MAP2: variants seen among roughly 807,000 people sequenced by gnomAD.
MAP2 encodes the protein microtubule associated protein 2.
Under a neutral mutation model 137.6 loss-of-function variants are expected in MAP2, and 14 were observed. The observed-to-expected ratio is 0.10, with a 90% CI of 0.07 to 0.16. The LOEUF (loss-of-function observed/expected upper bound fraction) is 0.16, where lower values mean the gene tolerates loss of function less well. MAP2 is among the 10% of genes least tolerant of loss of function. MAP2 has a pLI of 1.00. For synonymous variants in MAP2, 786 were observed against 782.3 expected, an observed-to-expected ratio of 1.00 and a Z score of -0.08; for missense variants, 2,088 against 2,191.5, an observed-to-expected ratio of 0.95 and a Z score of 0.94.
chr2:209,577,211 A>ATTT (rs550211315), intron 2 of MAP2, among the ~76,000 whole-genome samples: 6 of 146,950 alleles, frequency 4.1e-5, no homozygotes, highest in African/African-American at 1.5e-4. Flanking sequence ...TTAAAGGGGC[A>ATTT]TTTTTTTTTT....
intron 1 of MAP2, among the ~76,000 whole-genome samples, chr2:209,433,841 C>A (rs1694989711): frequency 6.6e-6 from 1 of 151,738 alleles, no homozygotes; most frequent in Non-Finnish European, 1.5e-5. Flanking sequence ...TACCCCAAAC[C>A]AAGCTTTTCA....
intron 7 of MAP2, among the ~76,000 whole-genome samples, chr2:209,689,038 T>C (rs931936411): frequency 6.6e-6 from 1 of 152,164 alleles, no homozygotes; most frequent in African/African-American, 2.4e-5. Flanking sequence ...ATATGATTTA[T>C]ACTAAATGAG....
intron 3 of MAP2, among the ~76,000 whole-genome samples, chr2:209,590,153 A>T (rs2078859748): frequency 6.6e-6 from 1 of 152,020 alleles, no homozygotes; most frequent in Non-Finnish European, 1.5e-5. Flanking sequence ...CACACCAGGG[A>T]TACTGAAGTG....
In MAP2 at chr2:209,653,135, C is replaced by T. The variant is rs758431286; in HGVS notation, c.-29-7C>T. 14 of 1,539,198 alleles carry T rather than the reference C, an allele frequency of 9.1e-6. No individual in the cohort carries two copies. In the Admixed American group the frequency reaches 1.5e-4, roughly 16 times the overall value. ...CAAAGTAATAGCTACTATTTTTTCT[C>T]TTTCAGTTGCAGGAGAAATAACAAG... On this transcript the variant is annotated splice_polypyrimidine_tract_variant and splice_region_variant and intron_variant, in intron 4 of 15. Coordinates refer to ENST00000682079, the MANE Select transcript of MAP2 (RefSeq NM_001375505.1).
chr2:209,593,872 TATAAAA>T, intron 3 of MAP2, among the ~76,000 whole-genome samples: 1 of 101,996 alleles, frequency 9.8e-6, no homozygotes, highest in African/African-American at 3.7e-5. Context: ...ATATTTATAT[TATAAAA>T]ATATATTTAT....
intron 3 of MAP2, among the ~76,000 whole-genome samples, chr2:209,599,877 A>G (rs1472236998): frequency 6.6e-6 from 1 of 152,196 alleles, no homozygotes; most frequent in Non-Finnish European, 1.5e-5. Context: ...AATGATAATA[A>G]AAAACTTATT....
chr2:209,529,522 T>A (rs1221115572), intron 2 of MAP2, among the ~76,000 whole-genome samples: 1 of 152,086 alleles, frequency 6.6e-6, no homozygotes, highest in Non-Finnish European at 1.5e-5. Flanking sequence ...AAGCAACTCT[T>A]CAAGAAAAAA....
chr2:209,461,473 G>A lies in MAP2; in HGVS notation c.-222+37197G>A, dbSNP rs533099110. On this transcript the variant is annotated intron_variant, in intron 1 of 15. Transcript: ENST00000682079. ...TAGTTTAATAGATTTTTTTTTTTTC[G>A]AGACGGAGTTTTGCTCTTATTGCCC... 5.0e-4 allele frequency among the ~76,000 whole-genome samples: 75 copies of A among 149,404 alleles called. 2 individuals are homozygous for A. In the South Asian group the frequency reaches 0.015, roughly 31 times the overall value.
In MAP2 at chr2:209,694,459, C is replaced by T; in HGVS notation, c.2289C>T (p.Ser763=). The T allele has an allele frequency of 6.2e-7, 1 of 1,613,940 alleles. No individual in the cohort carries two copies. The highest frequency in any genetic ancestry group is 8.5e-7 in the Non-Finnish European group (1 of 1,179,960). The change falls in exon 8 of 16, where the codon AGC becomes AGT. Residue 763 remains serine, a synonymous_variant. Transcript: ENST00000682079. ...AAGCCCCTTGCTTCCCTGTAGAAAGCAAAGAGGAAGAACAGATAGAGAAAG... is the reference window on the plus strand; with the variant it reads ...AAGCCCCTTGCTTCCCTGTAGAAAGTAAAGAGGAAGAACAGATAGAGAAAG... The part of the protein sequence containing the change: ...LEKAPCFPVE[S]KEEEQIEKVK...
At chr2:209,673,991 G>C (rs968871728) in intron 5 of MAP2, among the ~76,000 whole-genome samples, 5 of 151,770 alleles carry the variant, frequency 3.3e-5, no homozygotes, top group Non-Finnish European at 7.4e-5. Flanking sequence ...ATTGGGACTT[G>C]CTGGATGGAA....
chr2:209,552,001 T>C (rs1260721063), intron 2 of MAP2, among the ~76,000 whole-genome samples: 2 of 152,194 alleles, frequency 1.3e-5, no homozygotes, highest in Non-Finnish European at 2.9e-5. Flanking sequence ...GCTAGTAAGA[T>C]TAAATGGCTC....
chr2:209,729,397 C>T (rs1299989726), intron 14 of MAP2, among the ~76,000 whole-genome samples: 1 of 152,162 alleles, frequency 6.6e-6, no homozygotes, highest in Non-Finnish European at 1.5e-5. Context: ...CACTTCCAGC[C>T]TAAATCTTCT....
At chr2:209,669,064 G>A (rs907619174) in intron 5 of MAP2, among the ~76,000 whole-genome samples, 2 of 151,912 alleles carry the variant, frequency 1.3e-5, no homozygotes, top group Non-Finnish European at 1.5e-5. Flanking sequence ...GAATCTTTGC[G>A]GACAATACTT....
chr2:209,635,878 C>T (rs2093512854), intron 4 of MAP2, among the ~76,000 whole-genome samples: 1 of 152,038 alleles, frequency 6.6e-6, no homozygotes, highest in Non-Finnish European at 1.5e-5. Flanking sequence ...GAAAACTGGC[C>T]TTTCCTACAA....
intron 2 of MAP2, among the ~76,000 whole-genome samples, chr2:209,519,296 G>C (rs1473957015): frequency 2.0e-5 from 3 of 152,068 alleles, no homozygotes; most frequent in Non-Finnish European, 4.4e-5. Flanking sequence ...CAGTCCTCAA[G>C]TAAAAGGACT....
chr2:209,472,305 T>C (rs1705952650), intron 1 of MAP2, among the ~76,000 whole-genome samples: 1 of 152,152 alleles, frequency 6.6e-6, no homozygotes, highest in Admixed American at 6.5e-5. Flanking sequence ...TTTAAGTTGG[T>C]GACTAGGTTT....
chr2:209,481,194 A>G (rs1708671599), intron 1 of MAP2, among the ~76,000 whole-genome samples: 1 of 152,216 alleles, frequency 6.6e-6, no homozygotes, highest in African/African-American at 2.4e-5. Flanking sequence ...GGGAAGGAGA[A>G]GGAAACAGGA....
intron 2 of MAP2, among the ~76,000 whole-genome samples, chr2:209,508,052 C>T (rs946409446): frequency 1.3e-5 from 2 of 151,918 alleles, no homozygotes; most frequent in East Asian, 1.9e-4. Context: ...GAATATATTT[C>T]GTAAAGAGGG....
At chr2:209,669,797 A>G (rs997194247) in intron 5 of MAP2, among the ~76,000 whole-genome samples, 1 of 151,974 alleles carries the variant, frequency 6.6e-6, no homozygotes, top group Non-Finnish European at 1.5e-5. Flanking sequence ...ACACGCACAC[A>G]CACACACACA....
Sources: gnomAD v4.1 joint callset for allele counts (sites outside exome capture counted in the v4.1 genomes callset) on GRCh38, gnomAD v4.1.1 for gene constraint, MANE v1.5 for transcripts, NCBI Gene and HGNC (gene_info 2026-07-23, HGNC 2026-07-21) for gene names.